NAV3: variants seen among roughly 807,000 people sequenced by gnomAD.
NAV3 encodes neuron navigator 3.
NAV3 carries 87 observed loss-of-function variants against 244.7 expected under a neutral mutation model. The observed-to-expected ratio is 0.36, with a 90% CI of 0.30 to 0.42. NAV3 has a LOEUF of 0.42. Ranked by LOEUF, NAV3 falls within the 20% of genes least tolerant of loss-of-function variation. The pLI, the probability that NAV3 is intolerant of heterozygous loss-of-function variation, is 1.00. For synonymous variants in NAV3, 1,126 were observed against 1,042.2 expected (o/e 1.08, Z -1.55); for missense variants, 2,663 against 2,893.3 (o/e 0.92, Z 1.83).
intron 12 of NAV3, among the ~76,000 whole-genome samples, chr12:78,113,758 G>A (rs1422874138): frequency 6.6e-6 from 1 of 152,114 alleles, no homozygotes; most frequent in African/African-American, 2.4e-5. Flanking sequence ...TTAAGATTTG[G>A]CTCATAGTTA....
chr12:77,859,115 C>T (rs189592908), intron 1 of NAV3, among the ~76,000 whole-genome samples: 59 of 152,034 alleles, frequency 3.9e-4, no homozygotes, highest in Middle Eastern at 3.4e-3. Context: ...ATCAGTCAGC[C>T]CAGCAAAGAA....
At chr12:77,861,245 A>G (rs185896880) in intron 1 of NAV3, among the ~76,000 whole-genome samples, 7 of 151,624 alleles carry the variant, frequency 4.6e-5, no homozygotes, top group Admixed American at 2.6e-4. Context: ...TTTTTTTCCT[A>G]TTTGTACAGA....
intron 1 of NAV3, among the ~76,000 whole-genome samples, chr12:77,938,967 G>C (rs1039445545): frequency 6.9e-6 from 1 of 144,574 alleles, no homozygotes. Flanking sequence ...TGTGTGTTCT[G>C]TGGCATGGTG....
chr12:78,195,462 T>A (rs537617606), intron 34 of NAV3, among the ~76,000 whole-genome samples: 1 of 152,084 alleles, frequency 6.6e-6, no homozygotes, highest in Non-Finnish European at 1.5e-5. Flanking sequence ...CTCCCTATAA[T>A]GTTTTGTGCA....
intron 2 of NAV3, among the ~76,000 whole-genome samples, chr12:77,602,128 T>G (rs1459574354): frequency 6.6e-6 from 1 of 151,996 alleles, no homozygotes; most frequent in Non-Finnish European, 1.5e-5. Flanking sequence ...AGAAACATGA[T>G]CTGGTAGTTT....
intron 1 of NAV3, among the ~76,000 whole-genome samples, chr12:77,890,404 C>T (rs1883794595): frequency 6.6e-6 from 1 of 152,210 alleles, no homozygotes; most frequent in East Asian, 1.9e-4. Flanking sequence ...GCATGAACCA[C>T]TGTACCAGCC....
At chr12:77,939,964 T>C (rs965057381) in intron 1 of NAV3, among the ~76,000 whole-genome samples, 1 of 152,150 alleles carries the variant, frequency 6.6e-6, no homozygotes, top group Non-Finnish European at 1.5e-5. Flanking sequence ...GTGGGTTTCT[T>C]TTACATGAAC....
chr12:78,194,463 T>A (rs571265555), intron 34 of NAV3, among the ~76,000 whole-genome samples: 2 of 152,238 alleles, frequency 1.3e-5, no homozygotes, highest in Non-Finnish European at 2.9e-5. Flanking sequence ...AATTTTTCAA[T>A]GTTTTCTTAT....
chr12:77,957,167 C>T lies in NAV3; in HGVS notation c.415-9062C>T, dbSNP rs2045988. 2.2e-3 allele frequency among the ~76,000 whole-genome samples: 335 copies of T among 152,030 alleles called. 1 individual carries two copies. Among genetic ancestry groups the T allele is most frequent in the African/African-American group, 7.6e-3 (317 of 41,516 alleles). ...GTTTATAATTCTCTTTGGAATTTAT[C>T]ATGTTATGCCTTGCATTATGACAAT... On this transcript the variant is annotated intron_variant, in intron 3 of 39. Transcript: ENST00000397909.
At chr12:78,015,345 C>T (rs1437129182) in intron 8 of NAV3, among the ~76,000 whole-genome samples, 3 of 152,104 alleles carry the variant, frequency 2.0e-5, no homozygotes, top group Non-Finnish European at 4.4e-5. Context: ...GTAGCTGTCA[C>T]ATCTTCTGAA....
intron 2 of NAV3, among the ~76,000 whole-genome samples, chr12:77,623,467 A>AC (rs1285625045): frequency 4.6e-5 from 7 of 152,224 alleles, no homozygotes; most frequent in African/African-American, 1.7e-4. Flanking sequence ...GTTCTCCTGT[A>AC]CAACAGAGAA....
chr12:77,834,499 A>C (rs749549056), intron 1 of NAV3, among the ~76,000 whole-genome samples: 1 of 152,234 alleles, frequency 6.6e-6, no homozygotes, highest in Non-Finnish European at 1.5e-5. Flanking sequence ...TTCCATTCTA[A>C]TCTTCTGTGT....
chr12:77,662,227 G>GTCTGTCTA (rs147415005), intron 2 of NAV3, among the ~76,000 whole-genome samples: 14 of 145,942 alleles, frequency 9.6e-5, no homozygotes, highest in African/African-American at 3.4e-4. Flanking sequence ...ATATCTATCT[G>GTCTGTCTA]TCTATCTATC....
chr12:77,723,627 C>T (rs1876739788), intron 2 of NAV3, among the ~76,000 whole-genome samples: 2 of 152,040 alleles, frequency 1.3e-5, no homozygotes, highest in East Asian at 1.9e-4. Context: ...GGGTGCAGAG[C>T]CAACCTTGTT....
chr12:77,910,402 C>T (rs1168747042), intron 1 of NAV3, among the ~76,000 whole-genome samples: 3 of 152,072 alleles, frequency 2.0e-5, no homozygotes, highest in Non-Finnish European at 2.9e-5. Flanking sequence ...ATAGGGAGGG[C>T]ACCAAGCCGT....
intron 12 of NAV3, among the ~76,000 whole-genome samples, chr12:78,092,647 C>T (rs917905374): frequency 1.3e-4 from 19 of 151,728 alleles, no homozygotes; most frequent in Non-Finnish European, 2.5e-4. Flanking sequence ...CTACAGGCGC[C>T]TGCCACCATG....
chr12:77,712,673 C>T (rs373200049), intron 2 of NAV3, among the ~76,000 whole-genome samples: 1 of 152,122 alleles, frequency 6.6e-6, no homozygotes, highest in African/African-American at 2.4e-5. Context: ...AAGTCCCCAA[C>T]TATTGATTTT....
At chr12:77,911,195 C>T (rs1157640299) in intron 1 of NAV3, among the ~76,000 whole-genome samples, 1 of 152,012 alleles carries the variant, frequency 6.6e-6, no homozygotes, top group Non-Finnish European at 1.5e-5. Flanking sequence ...AAAGAGCCAA[C>T]TCCAGGTAAA....
chr12:77,821,413 G>A (rs1037923888), intron 2 of NAV3, among the ~76,000 whole-genome samples: 5 of 152,098 alleles, frequency 3.3e-5, no homozygotes, highest in Non-Finnish European at 5.9e-5. Flanking sequence ...ATCCCTGAAC[G>A]AAACCTAATG....
Sources: allele counts gnomAD v4.1 joint callset (sites outside exome capture counted in the v4.1 genomes callset), GRCh38; gene constraint gnomAD v4.1.1; transcripts MANE v1.5; gene names NCBI Gene and HGNC (gene_info 2026-07-23, HGNC 2026-07-21).